Variants in ATF2 observed in about 807,000 individuals in gnomAD.
The protein encoded by ATF2 is activating transcription factor 2, also known as cyclic AMP-dependent transcription factor ATF-2.
In ATF2, 24 loss-of-function variants were observed where a neutral mutation model predicts 60.6. The observed-to-expected ratio is 0.40, with a 90% CI of 0.29 to 0.56. ATF2 has a LOEUF of 0.56. Among genes scored for constraint, ATF2 ranks in the 20% least tolerant of loss-of-function variants. The pLI, the probability that ATF2 is intolerant of heterozygous loss-of-function variation, is 0.54. For missense variants in ATF2, 433 were observed against 607.7 expected (o/e 0.71, Z 3.02); for synonymous variants, 206 against 215.4 (o/e 0.96, Z 0.38).
At chr2:175,082,984 A>G (rs1409493903) in intron 12 of ATF2, among the ~76,000 whole-genome samples, 2 of 151,166 alleles carry the variant, frequency 1.3e-5, no homozygotes, top group African/African-American at 4.9e-5. Flanking sequence ...CCACTGCTCA[A>G]TGAAATAAAA....
intron 12 of ATF2, among the ~76,000 whole-genome samples, chr2:175,085,564 A>T (rs1412834206): frequency 2.9e-5 from 3 of 105,140 alleles, no homozygotes; most frequent in African/African-American, 6.0e-5. Flanking sequence ...ACACACACAC[A>T]CACACACACA....
intron 10 of ATF2, among the ~76,000 whole-genome samples, chr2:175,109,506 CCTAAAAGAA>C (rs1696020996): frequency 6.6e-6 from 1 of 151,976 alleles, no homozygotes; most frequent in South Asian, 2.1e-4. Flanking sequence ...TTCCTGATGA[CCTAAAAGAA>C]ACAGTTATTC....
chr2:175,111,636 T>C lies in ATF2; in HGVS notation c.760A>G (p.Met254Val). Residue 254 changes from methionine (M) to valine (V), a missense_variant, in exon 10 of 14, where the codon ATG becomes GTG. Physicochemically the swap from Met to Val is conservative, Grantham distance 21. Transcript: ENST00000264110. The part of the protein sequence containing the change: ...AAVPLVRPVT[M>V]VPSVPGIPGP... ...GGGATTCCTGGAACACTAGGCACCA[T>C]GGTGACTGGTCGAACGAGCTATGCA... The C allele has an allele frequency of 6.2e-7, 1 of 1,613,826 alleles. No homozygotes were observed.
chr2:175,085,394 G>T (rs565736507), intron 12 of ATF2, among the ~76,000 whole-genome samples: 16 of 152,238 alleles, frequency 1.1e-4, no homozygotes, highest in African/African-American at 3.9e-4. Context: ...AATTAGCTGG[G>T]TCTGGTGGCG....
intron 2 of ATF2, among the ~76,000 whole-genome samples, chr2:175,144,724 T>C (rs914644767): frequency 5.3e-5 from 8 of 152,136 alleles, no homozygotes; most frequent in African/African-American, 1.9e-4. Context: ...CTGCATTTAA[T>C]GTTGGAGTCT....
chr2:175,118,956 T>C (rs1283850751), intron 5 of ATF2, among the ~76,000 whole-genome samples: 1 of 151,636 alleles, frequency 6.6e-6, no homozygotes, highest in African/African-American at 2.4e-5. Context: ...TTTAATGCAT[T>C]TTACAAGCTA....
At position 175,168,192 on chromosome 2, in the gene ATF2, G is replaced by T. The variant is rs1272802043; in HGVS notation, c.-285C>A. ...CACAGGCTTCCGTCCTCTCTCGCGA[G>T]ATCGGACTGACAACCCCCGCCCGCT... On this transcript the variant is annotated 5_prime_UTR_variant, in exon 1 of 14. Coordinates refer to ENST00000264110, the MANE Select transcript of ATF2 (RefSeq NM_001880.4). The T allele has an allele frequency of 6.5e-6, 1 of 153,404 alleles. No individual in the cohort carries two copies. Among genetic ancestry groups the T allele is most frequent in the Non-Finnish European group, 1.5e-5 (1 of 68,562 alleles). 9.5% of individuals were successfully genotyped at this position (153,404 alleles called of 1,614,324 possible).
intron 12 of ATF2, among the ~76,000 whole-genome samples, chr2:175,083,937 A>T (rs555130213): frequency 1.7e-4 from 26 of 152,314 alleles, no homozygotes; most frequent in African/African-American, 4.8e-4. Flanking sequence ...TCAAAACCAC[A>T]ATGAGATACC....
chr2:175,118,273 G>C lies in ATF2; in HGVS notation c.296C>G (p.Ala99Gly). 6.2e-7 allele frequency: 1 copy of C among 1,608,500 alleles called. No individual in the cohort carries two copies. Among genetic ancestry groups the C allele is most frequent in the South Asian group, 1.1e-5 (1 of 89,990 alleles). The change falls in exon 6 of 14, where the codon GCT becomes GGT. Residue 99 changes from alanine (A) to glycine (G), a missense_variant. Around this residue, in one of 5 missense-constraint regions of ATF2, gnomAD observed 246 missense variants for 309.3 expected, o/e 0.80. Transcript: ENST00000264110. ...TACTTTTTTAATGTCATCTTCTGAA[G>C]CTTTCTTGAATTCATTCTCAAATGG... ...ASPFENEFKK[A>G]SEDDIKKMPL...
intron 2 of ATF2, among the ~76,000 whole-genome samples, chr2:175,140,991 T>A: frequency 1.3e-5 from 1 of 79,430 alleles, no homozygotes; most frequent in African/African-American, 5.0e-5. Flanking sequence ...AGCAAGACCC[T>A]ATCTCAGGAA....
intron 1 of ATF2, among the ~76,000 whole-genome samples, chr2:175,153,129 G>C (rs1699421358): frequency 6.6e-6 from 1 of 152,168 alleles, no homozygotes; most frequent in African/African-American, 2.4e-5. Context: ...ATAGCCAGTT[G>C]TAACTGGCCT....
chr2:175,111,696 T>C, intron 9 of ATF2, 42 bp from the exon 10 acceptor site: 2 of 1,528,670 alleles, frequency 1.3e-6, no homozygotes, highest in Non-Finnish European at 1.8e-6. Flanking sequence ...GAGAATATAT[T>C]CAAAATGAGA....
intron 12 of ATF2, 43 bp from the exon 13 acceptor site, chr2:175,080,808 T>C (rs1205797312): frequency 2.1e-6 from 3 of 1,448,638 alleles, no homozygotes; most frequent in Non-Finnish European, 2.9e-6. Context: ...AGACTAAACA[T>C]ATTTTTTACT....
At chr2:175,162,346 T>C (rs934550419) in intron 1 of ATF2, among the ~76,000 whole-genome samples, 8 of 152,216 alleles carry the variant, frequency 5.3e-5, no homozygotes, top group Non-Finnish European at 1.2e-4. Context: ...GTAATCACGC[T>C]TCATTAATCA....
intron 1 of ATF2, among the ~76,000 whole-genome samples, chr2:175,152,041 T>C (rs969797469): frequency 4.6e-5 from 7 of 152,182 alleles, no homozygotes; most frequent in African/African-American, 1.7e-4. Context: ...ATAGGAAATA[T>C]GTCCTTTATT....
chr2:175,114,973 T>C (rs751745808), intron 7 of ATF2, 105 bp from the exon 8 acceptor site: 17 of 1,041,700 alleles, frequency 1.6e-5, no homozygotes, highest in Non-Finnish European at 2.2e-5. Context: ...GAATAATAAC[T>C]GCTAAAAGCA....
chr2:175,092,568 TC>T (rs1462896269), intron 12 of ATF2: 1 of 450,800 alleles, frequency 2.2e-6, no homozygotes, highest in South Asian at 1.7e-5. Context: ...TTAGAGTCCT[TC>T]AGTTTCCAAA....
At chr2:175,109,864 T>A (rs934143062) in intron 10 of ATF2, among the ~76,000 whole-genome samples, 1 of 152,220 alleles carries the variant, frequency 6.6e-6, no homozygotes, top group Non-Finnish European at 1.5e-5. Context: ...GAACATACTA[T>A]GATGTGAAAA....
At chr2:175,106,989 C>CA (rs1158080986) in intron 10 of ATF2, among the ~76,000 whole-genome samples, 3 of 151,762 alleles carry the variant, frequency 2.0e-5, no homozygotes, top group African/African-American at 4.8e-5. Flanking sequence ...GCAATCTTTA[C>CA]AAAAAAATAC....
Sources: allele counts gnomAD v4.1 joint callset (sites outside exome capture counted in the v4.1 genomes callset), GRCh38; gene constraint gnomAD v4.1.1; regional missense constraint gnomAD v4.1.1; transcripts MANE v1.5; gene names NCBI Gene and HGNC (gene_info 2026-07-23, HGNC 2026-07-21).